The following KIF4A variants were observed in gnomAD, a reference collection of about 807,000 sequenced individuals.
KIF4A encodes the protein kinesin family member 4A.
A neutral mutation model predicts 105.9 loss-of-function variants in KIF4A; 7 were observed. The observed-to-expected ratio is 0.07, with a 90% CI of 0.04 to 0.12. The LOEUF (loss-of-function observed/expected upper bound fraction) is 0.12. Among genes scored for constraint, KIF4A ranks in the 10% least tolerant of loss-of-function variants. KIF4A has a pLI of 1.00. For missense variants in KIF4A, 558 were observed against 929.2 expected (o/e 0.60, Z 5.19); for synonymous variants, 281 against 331.3 (o/e 0.85, Z 1.65).
At chrX:70,362,592 C>T (rs777641702) in intron 15 of KIF4A, among the ~76,000 whole-genome samples, 7 of 111,647 alleles carry the variant, frequency 6.3e-5, no homozygotes, top group East Asian at 2.8e-4. Flanking sequence ...AGTGTAGTGG[C>T]GCAATCTCTG....
intron 7 of KIF4A, among the ~76,000 whole-genome samples, chrX:70,328,005 A>C (rs2085916863): frequency 9.0e-6 from 1 of 111,645 alleles, no homozygotes; most frequent in South Asian, 3.8e-4. Flanking sequence ...TTGGTAGTCC[A>C]AAAAAAGGGT....
chrX:70,386,979 T>C lies in KIF4A; in HGVS notation c.2119-205T>C, dbSNP rs188077484. 2.1e-3 allele frequency among the ~76,000 whole-genome samples: 237 copies of C among 112,114 alleles called. 1 individual carries two copies. Among genetic ancestry groups the C allele is most frequent in the Middle Eastern group, 9.2e-3 (2 of 218 alleles). On this transcript the variant is annotated intron_variant, in intron 19 of 30. Coordinates refer to ENST00000374403, the MANE Select transcript of KIF4A (RefSeq NM_012310.5). Reference sequence around the variant, plus strand: ...GATATGTGACATTTCTAGACACTTTTAGTCTGCAGAACTTCCTTGAAGTGT... The same window carrying C: ...GATATGTGACATTTCTAGACACTTTCAGTCTGCAGAACTTCCTTGAAGTGT...
chrX:70,298,341 A>C (rs1480905287), intron 4 of KIF4A, among the ~76,000 whole-genome samples: 1 of 109,656 alleles, frequency 9.1e-6, no homozygotes, highest in East Asian at 3.0e-4. Context: ...CGATCCTCCC[A>C]CCCCACCTCA....
intron 22 of KIF4A, 66 bp downstream of exon 22, chrX:70,396,115 A>G (rs774223506): frequency 4.1e-4 from 328 of 796,150 alleles, no homozygotes; most frequent in Non-Finnish European, 5.8e-4. Flanking sequence ...GAACCTATTA[A>G]TCTAGTGATT....
intron 15 of KIF4A, among the ~76,000 whole-genome samples, chrX:70,368,227 G>C (rs183346700): frequency 1.8e-5 from 2 of 111,705 alleles, no homozygotes; most frequent in African/African-American, 6.5e-5. Context: ...TAGTTTGATC[G>C]TCTGAAGCCT....
At chrX:70,397,683 A>G (rs759912533) in intron 22 of KIF4A, among the ~76,000 whole-genome samples, 1 of 112,442 alleles carries the variant, frequency 8.9e-6, no homozygotes, top group African/African-American at 3.2e-5. Context: ...GAACCTTGAC[A>G]GAGATTTTAT....
intron 15 of KIF4A, among the ~76,000 whole-genome samples, chrX:70,362,841 T>TA (rs2086082089): frequency 8.9e-6 from 1 of 112,504 alleles, no homozygotes; most frequent in South Asian, 3.7e-4. Flanking sequence ...CTGAAATAAA[T>TA]TCTTAATATA....
chrX:70,407,857 C>T (rs2086306737), intron 28 of KIF4A, among the ~76,000 whole-genome samples: 1 of 111,797 alleles, frequency 8.9e-6, no homozygotes, highest in South Asian at 3.7e-4. Flanking sequence ...CACCTGAGGT[C>T]GGGAGTTCGA....
intron 10 of KIF4A, among the ~76,000 whole-genome samples, chrX:70,338,882 A>G (rs2085961330): frequency 9.0e-6 from 1 of 110,653 alleles, no homozygotes; most frequent in Non-Finnish European, 1.9e-5. Flanking sequence ...TCAGGAGATC[A>G]AGACAATCCT....
rs184616977 is a variant in KIF4A at position 70,369,664 on chromosome X, G to A, written c.1675-4487G>A. Among the ~76,000 whole-genome samples the A allele has an allele frequency of 2.8e-3, 314 of 111,622 alleles. 1 individual carries two copies. The highest frequency in any genetic ancestry group is 4.9e-3 in the Non-Finnish European group (262 of 53,097). On this transcript the variant is annotated intron_variant, in intron 15 of 30. Coordinates refer to ENST00000374403, the MANE Select transcript of KIF4A (RefSeq NM_012310.5). ...TATTTCATTATGGAAAAAAAATGAG[G>A]CAGATCTGTATATGCTGATATAAAT... is the stretch of plus-strand genomic sequence containing the variant.
chrX:70,368,696 A>G (rs994023079), intron 15 of KIF4A, among the ~76,000 whole-genome samples: 5 of 112,277 alleles, frequency 4.5e-5, no homozygotes, highest in Non-Finnish European at 7.5e-5. Context: ...CTCAGGGGTC[A>G]GGGACCCACT....
intron 25 of KIF4A, 34 bp downstream of exon 25, chrX:70,404,856 C>T: frequency 1.1e-6 from 1 of 942,698 alleles, no homozygotes; most frequent in South Asian, 2.1e-5. Flanking sequence ...AGATGAGTTT[C>T]ACAGTACTAA....
chrX:70,348,235 A>C (rs1294622536), intron 13 of KIF4A, among the ~76,000 whole-genome samples: 1 of 111,235 alleles, frequency 9.0e-6, no homozygotes, highest in East Asian at 2.8e-4. Context: ...CTGGAGCCCA[A>C]GAGCTTGAGA....
Position 70,403,956 on chromosome X carries a change from G to A in KIF4A, c.2712G>A (p.Glu904=). Residue 904 remains glutamate (E), a synonymous_variant, in exon 24 of 31, where the codon GAG becomes GAA. Coordinates refer to ENST00000374403, the MANE Select transcript of KIF4A (RefSeq NM_012310.5). ...CTGACATGCAGAAGATGCTGTTTGAGGAACGAAATCATTTTGCCGAGATAG... is the reference window on the plus strand; with the variant it reads ...CTGACATGCAGAAGATGCTGTTTGAAGAACGAAATCATTTTGCCGAGATAG... ...SCADMQKMLF[E]ERNHFAEIET... 1 of 1,211,584 alleles carries A rather than the reference G, an allele frequency of 8.3e-7. No individual in the cohort carries two copies. The highest frequency in any genetic ancestry group is 1.8e-5 in the South Asian group (1 of 56,959).
chrX:70,336,736 G>T (rs2085952185), intron 10 of KIF4A, among the ~76,000 whole-genome samples: 3 of 111,212 alleles, frequency 2.7e-5, no homozygotes, highest in Non-Finnish European at 5.7e-5. Flanking sequence ...AAAATAAATT[G>T]TGGTAAAATA....
intron 25 of KIF4A, 41 bp downstream of exon 25, chrX:70,404,863 C>T (rs1350843754): frequency 2.3e-6 from 2 of 880,020 alleles, no homozygotes; most frequent in Admixed American, 5.0e-5. Context: ...TTTCACAGTA[C>T]TAACTGAGAA....
rs746379559 is a variant in KIF4A, at chrX:70,343,922, G to A, written c.1371G>A (p.Gln457=). The A allele has an allele frequency of 3.3e-6, 4 of 1,210,954 alleles. No individual in the cohort carries two copies. The East Asian group carries it at 8.9e-5, about 27-fold the overall frequency. The part of the protein sequence containing the change: ...LQKLVETLED[Q]ELKENVEIIC... The stretch of plus-strand genomic sequence containing the variant: ...AGCTAGTGGAGACTTTGGAAGACCA[G>A]GAATTGAAAGAAAATGTAGAGATAA... The change falls in exon 13 of 31, where the codon CAG becomes CAA. Residue 457 remains glutamine (Q), a synonymous_variant. Coordinates refer to ENST00000374403, the MANE Select transcript of KIF4A (RefSeq NM_012310.5).
chrX:70,297,216 A>G, intron 4 of KIF4A, 28 bp downstream of exon 4: 1 of 1,142,411 alleles, frequency 8.8e-7, no homozygotes, highest in Non-Finnish European at 1.2e-6. Flanking sequence ...AATTATTCTG[A>G]ATTCGAAATT....
intron 1 of KIF4A, 26 bp from the exon 2 acceptor site, chrX:70,290,412 G>A (rs775875596): frequency 1.7e-6 from 2 of 1,190,753 alleles, no homozygotes; most frequent in South Asian, 1.9e-5. Flanking sequence ...ACATTCATCA[G>A]CGAGCCTTCT....
Sources: allele counts gnomAD v4.1 joint callset (sites outside exome capture counted in the v4.1 genomes callset), GRCh38; gene constraint gnomAD v4.1.1; transcripts MANE v1.5; gene names NCBI Gene and HGNC (gene_info 2026-07-23, HGNC 2026-07-21).